The following FAAH2 variants were observed in gnomAD, a reference collection of about 807,000 sequenced individuals.
FAAH2 encodes fatty-acid amide hydrolase 2.
Under a neutral mutation model 36.9 loss-of-function variants are expected in FAAH2, and 60 were observed. That is an observed-to-expected ratio of 1.63 (90% CI 1.32 to 2.02). The LOEUF (loss-of-function observed/expected upper bound fraction) is 2.02. Ranked by LOEUF, FAAH2 falls within the 30% of genes most tolerant of loss-of-function variation. The pLI, the probability that FAAH2 is intolerant of heterozygous loss-of-function variation, is 0.00. For missense variants in FAAH2, 689 were observed against 397.5 expected, an observed-to-expected ratio of 1.73 and a Z score of -6.23; for synonymous variants, 214 against 143.8, an observed-to-expected ratio of 1.49 and a Z score of -3.49.
the FAAH2 span, among the ~76,000 whole-genome samples, chrX:57,145,635 G>A: frequency 8.9e-6 from 1 of 111,900 alleles, no homozygotes; most frequent in South Asian, 3.7e-4. Context: ...CTTTGCCTAA[G>A]CCAATGTCTA....
chrX:57,169,048 C>T, the FAAH2 span, among the ~76,000 whole-genome samples: 1 of 111,118 alleles, frequency 9.0e-6, no homozygotes, highest in African/African-American at 3.3e-5. Context: ...TTCTTCCTGA[C>T]CTGTAGATGG....
At chrX:57,484,317 C>A (rs1003765422) in intron 10 of FAAH2, among the ~76,000 whole-genome samples, 2 of 110,864 alleles carry the variant, frequency 1.8e-5, no homozygotes, top group African/African-American at 6.6e-5. Context: ...TTTGGCTTGC[C>A]CACAAATACT....
At chrX:57,344,568 G>T (rs1467852876) in intron 5 of FAAH2, among the ~76,000 whole-genome samples, 1 of 111,082 alleles carries the variant, frequency 9.0e-6, no homozygotes, top group African/African-American at 3.3e-5. Context: ...CTATTTGAAT[G>T]CCCTTTATTT....
chrX:57,312,530 A>T (rs1378145314), intron 3 of FAAH2, among the ~76,000 whole-genome samples: 2 of 110,789 alleles, frequency 1.8e-5, no homozygotes, highest in Non-Finnish European at 3.8e-5. Context: ...AGAAAAAAAA[A>T]TTAGCTGGGC....
the FAAH2 span, among the ~76,000 whole-genome samples, chrX:57,142,171 C>G: frequency 1.8e-5 from 2 of 111,667 alleles, no homozygotes; most frequent in African/African-American, 6.5e-5. Flanking sequence ...TCTTAATTTT[C>G]TACTTCTTTA....
At chrX:57,318,213 T>C (rs745642411) in intron 3 of FAAH2, among the ~76,000 whole-genome samples, 1 of 108,355 alleles carries the variant, frequency 9.2e-6, no homozygotes, top group Non-Finnish European at 1.9e-5. Context: ...TCAAAAAAAA[T>C]AAATGAATCC....
At chrX:57,487,409 T>C (rs367739515) in intron 10 of FAAH2, among the ~76,000 whole-genome samples, 23 of 111,784 alleles carry the variant, frequency 2.1e-4, no homozygotes, top group Non-Finnish European at 3.4e-4. Flanking sequence ...TCCAAACATA[T>C]GAAAAACTCT....
intron 3 of FAAH2, among the ~76,000 whole-genome samples, chrX:57,324,936 T>C (rs1369540144): frequency 8.9e-6 from 1 of 112,331 alleles, no homozygotes; most frequent in African/African-American, 3.2e-5. Flanking sequence ...AAGGGAATAC[T>C]TCCAGTTTTT....
intron 7 of FAAH2, among the ~76,000 whole-genome samples, chrX:57,385,273 G>T (rs2054986795): frequency 9.4e-5 from 3 of 31,834 alleles, no homozygotes; most frequent in African/African-American, 2.0e-4. Context: ...AAGACTTAAA[G>T]TATAATAAAA....
chrX:57,461,048 A>C (rs1420646024), intron 10 of FAAH2, among the ~76,000 whole-genome samples: 1 of 111,391 alleles, frequency 9.0e-6, no homozygotes, highest in Non-Finnish European at 1.9e-5. Flanking sequence ...ACCAAAAAAG[A>C]CAAGAAGGGC....
the FAAH2 span, among the ~76,000 whole-genome samples, chrX:57,207,736 G>C: frequency 4.4e-3 from 496 of 112,434 alleles, 3 homozygotes; most frequent in African/African-American, 0.015. Flanking sequence ...AACTAGACCT[G>C]CCTAGAAGTA....
At chrX:57,317,564 G>C (rs1441533730) in intron 3 of FAAH2, among the ~76,000 whole-genome samples, 1 of 111,209 alleles carries the variant, frequency 9.0e-6, no homozygotes, top group Non-Finnish European at 1.9e-5. Flanking sequence ...CACCATAATA[G>C]TGGGAGACTT....
Position 57,480,169 on chromosome X carries a change from A to T in FAAH2, c.1424-8588A>T, listed in dbSNP as rs973592313. On this transcript the variant is annotated intron_variant, in intron 10 of 10. Transcript: ENST00000374900. ...CTGGACCAGATGGTTTCACAGCCGA[A>T]TTCTACCAGAGGTACAGGGAGGAAC... Among the ~76,000 whole-genome samples the T allele has an allele frequency of 3.6e-5, 4 of 111,536 alleles. No individual in the cohort carries two copies. In the East Asian group the frequency reaches 1.1e-3, roughly 32 times the overall value.
At chrX:57,144,882 C>CTATA in the FAAH2 span, among the ~76,000 whole-genome samples, 3 of 103,599 alleles carry the variant, frequency 2.9e-5, no homozygotes, top group Non-Finnish European at 5.9e-5. Flanking sequence ...TAGTATTCCA[C>CTATA]TATATATATA....
At chrX:57,347,479 C>G (rs1375589967) in intron 5 of FAAH2, among the ~76,000 whole-genome samples, 14 of 110,642 alleles carry the variant, frequency 1.3e-4, no homozygotes, top group African/African-American at 4.6e-4. Flanking sequence ...AATGGATTCC[C>G]TGGATTCCTT....
rs372063336 is a variant in FAAH2, at chrX:57,484,875, C to T, written c.1424-3882C>T. 3.5e-4 allele frequency among the ~76,000 whole-genome samples: 39 copies of T among 111,077 alleles called. No homozygotes were observed. In the East Asian group the frequency reaches 5.5e-3, roughly 16 times the overall value. ...TTTACGAGTCCTGAAGGGGCTGGAC[C>T]TGGGTTGAGCCAGCCCAGAGTTCAG... On this transcript the variant is annotated intron_variant, in intron 10 of 10. Coordinates refer to ENST00000374900, the MANE Select transcript of FAAH2 (RefSeq NM_174912.4).
At chrX:57,319,189 A>G (rs2052937790) in intron 3 of FAAH2, among the ~76,000 whole-genome samples, 1 of 111,632 alleles carries the variant, frequency 9.0e-6, no homozygotes, top group Non-Finnish European at 1.9e-5. Flanking sequence ...GGCAAGAGAA[A>G]GAAATAAAGC....
At chrX:57,308,176 G>A (rs762054830) in intron 2 of FAAH2, among the ~76,000 whole-genome samples, 1 of 111,645 alleles carries the variant, frequency 9.0e-6, no homozygotes, top group Non-Finnish European at 1.9e-5. Context: ...TGATTGCTGG[G>A]TCAAATGGTA....
chrX:57,202,978 G>T, the FAAH2 span, among the ~76,000 whole-genome samples: 4 of 111,767 alleles, frequency 3.6e-5, no homozygotes, highest in Non-Finnish European at 7.5e-5. Flanking sequence ...AAGGTCCAAG[G>T]GCTCTTTAGT....
Sources: gnomAD v4.1 joint callset for allele counts (sites outside exome capture counted in the v4.1 genomes callset) on GRCh38, gnomAD v4.1.1 for gene constraint, MANE v1.5 for transcripts, NCBI Gene and HGNC (gene_info 2026-07-23, HGNC 2026-07-21) for gene names.